The following DUOX1 variants were observed in gnomAD, a reference collection of about 807,000 sequenced individuals.
DUOX1 encodes NADPH thyroid oxidase 1.
Under a neutral mutation model 181.8 loss-of-function variants are expected in DUOX1, and 134 were observed. The observed-to-expected ratio is 0.74, with a 90% confidence interval of 0.64 to 0.85. The LOEUF is 0.85. Ranked by LOEUF, DUOX1 falls within the 40% of genes least tolerant of loss-of-function variation. The probability of loss-of-function intolerance (pLI) is 0.00; values close to 1 mark genes in which losing one functional copy is unlikely to be tolerated. For synonymous variants in DUOX1, 798 were observed against 832.5 expected, an observed-to-expected ratio of 0.96 and a Z score of 0.71; for missense variants, 1,814 against 2,064.4, an observed-to-expected ratio of 0.88 and a Z score of 2.35.
chr15:45,153,036 C>A (rs986726139), intron 25 of DUOX1: 9 of 304,212 alleles, frequency 3.0e-5, no homozygotes, highest in African/African-American at 1.5e-4. Context: ...GCCTGGCCAA[C>A]ATGGTGAAAC....
In DUOX1 at chr15:45,139,431, C is replaced by G; in HGVS notation, c.1221C>G (p.Phe407Leu). 1 of 1,612,394 alleles carries G rather than the reference C, an allele frequency of 6.2e-7. No homozygotes were observed. Among genetic ancestry groups the G allele is most frequent in the South Asian group, 1.1e-5 (1 of 90,794 alleles). ...TGTCTGGTATCTTGTCTCCAGATTT[C>G]TGGCCTGGGCCACTGAAGTTTTCCC... ...DHVLVEDVRD[F>L]WPGPLKFSRT... The change falls in exon 12 of 34, where the codon TTC becomes TTG. Residue 407 changes from phenylalanine (F) to leucine (L), a missense_variant. Around this residue, in one of 5 missense-constraint regions of DUOX1, gnomAD observed 1,064 missense variants for 1,152.9 expected, o/e 0.92. Coordinates refer to ENST00000389037, the MANE Select transcript of DUOX1 (RefSeq NM_175940.3).
intron 12 of DUOX1, 118 bp downstream of exon 12, chr15:45,139,717 A>C (rs1356006589): frequency 8.7e-7 from 1 of 1,143,124 alleles, no homozygotes; most frequent in East Asian, 2.6e-5. Flanking sequence ...TGGGAGGGGC[A>C]GGGCTTACCC....
chr15:45,147,852 G>A, intron 19 of DUOX1, 52 bp from the exon 20 acceptor site: 1 of 1,553,594 alleles, frequency 6.4e-7, no homozygotes, highest in Non-Finnish European at 8.9e-7. Flanking sequence ...GCCAGCCTGG[G>A]GGTTCAGGCA....
At chr15:45,155,994 G>A in intron 28 of DUOX1, 65 bp downstream of exon 28, 2 of 1,594,184 alleles carry the variant, frequency 1.3e-6, no homozygotes, top group Non-Finnish European at 1.7e-6. Flanking sequence ...GGGAGGCAAG[G>A]AGAGCTGGGA....
chr15:45,151,013 T>C, intron 22 of DUOX1, 110 bp from the exon 23 acceptor site: 2 of 1,475,048 alleles, frequency 1.4e-6, no homozygotes, highest in Non-Finnish European at 1.9e-6. Context: ...GTCCCCTTGC[T>C]GACAGCTCTG....
At chr15:45,130,358 G>T (rs556768069) in intron 1 of DUOX1, among the ~76,000 whole-genome samples, 1 of 152,304 alleles carries the variant, frequency 6.6e-6, no homozygotes, top group Middle Eastern at 3.4e-3. Context: ...GGGCCTGCGG[G>T]TTCTTCTCCT....
chr15:45,153,492 GA>G lies in DUOX1; in HGVS notation c.3524+15del. 1 of 1,047,348 alleles carries G rather than the reference GA, an allele frequency of 9.5e-7. No homozygotes were observed. The highest frequency in any genetic ancestry group is 1.5e-6 in the Non-Finnish European group (1 of 681,814). The allele number at this position is 1,047,348 out of a possible 1,614,324, so 64.9% of individuals were successfully genotyped here. On this transcript the variant is annotated intron_variant, in intron 26 of 33. Transcript: ENST00000389037. ...TCCATGATGATGGGTGAGTAAGTGC[GA>G]ATGTGTGTGTGTGTGTGTGTGTGTG... is the stretch of plus-strand genomic sequence containing the variant.
At position 45,145,004 on chromosome 15, in the gene DUOX1, A is replaced by G; in HGVS notation, c.2246A>G (p.Glu749Gly). ...CAGGAGTGGGAGCTGCGGGAGCAGG[A>G]GCTGATGAGAGCAGCTGTGACACGG... Reference protein sequence around the residue: ...SIQEWELREQELMRAAVTREQ... With the variant: ...SIQEWELREQGLMRAAVTREQ... The change falls in exon 18 of 34, where the codon GAG (glutamate) becomes GGG (glycine). Residue 749 changes from glutamate to glycine, a missense_variant. Physicochemically the swap from Glu to Gly is moderately conservative, Grantham distance 98. Transcript: ENST00000389037. The G allele has an allele frequency of 3.1e-6, 5 of 1,614,146 alleles. No homozygotes were observed. Among genetic ancestry groups the G allele is most frequent in the Non-Finnish European group, 4.2e-6 (5 of 1,180,014 alleles).
chr15:45,158,476 A>G (rs1365789113), intron 28 of DUOX1, among the ~76,000 whole-genome samples: 1 of 152,062 alleles, frequency 6.6e-6, no homozygotes, highest in African/African-American at 2.4e-5. Flanking sequence ...TGGGAGGCTG[A>G]GGCGGGTGGA....
At chr15:45,136,275 C>T (rs1896310737) in intron 7 of DUOX1, 75 bp from the exon 8 acceptor site, 1 of 1,606,084 alleles carries the variant, frequency 6.2e-7, no homozygotes, top group Admixed American at 1.7e-5. Context: ...ACACGGAAGC[C>T]GTCCTTGGGC....
In DUOX1 at chr15:45,153,945, A is replaced by C; in HGVS notation, c.3525-6A>C. On this transcript the variant is annotated splice_region_variant and splice_polypyrimidine_tract_variant and intron_variant, in intron 26 of 33. Coordinates refer to ENST00000389037, the MANE Select transcript of DUOX1 (RefSeq NM_175940.3). ...AAGGTGTCTCTTTGCTGTCCCTTCCACACAGGTCTGAGCTCCCCCAGAAGT... is the reference window on the plus strand; with the variant it reads ...AAGGTGTCTCTTTGCTGTCCCTTCCCCACAGGTCTGAGCTCCCCCAGAAGT... 6.2e-7 allele frequency: 1 copy of C among 1,611,922 alleles called. No individual in the cohort carries two copies. The highest frequency in any genetic ancestry group is 8.5e-7 in the Non-Finnish European group (1 of 1,178,602).
At chr15:45,139,761 A>G in intron 12 of DUOX1, 162 bp downstream of exon 12, 1 of 819,096 alleles carries the variant, frequency 1.2e-6, no homozygotes, top group Non-Finnish European at 1.8e-6. Flanking sequence ...TATCAGGATG[A>G]AGATTACCAG....
intron 4 of DUOX1, among the ~76,000 whole-genome samples, chr15:45,134,718 G>A (rs1401153381): frequency 6.6e-6 from 1 of 152,284 alleles, no homozygotes; most frequent in East Asian, 1.9e-4. Flanking sequence ...TGGCAGAGTG[G>A]ACTGAGGGGA....
Position 45,143,272 on chromosome 15 carries a change from C to T in DUOX1, c.1905C>T (p.Ile635=), listed in dbSNP as rs149570763. Residue 635 remains isoleucine, a synonymous_variant, in exon 16 of 34, where the codon ATC becomes ATT. Coordinates refer to ENST00000389037, the MANE Select transcript of DUOX1 (RefSeq NM_175940.3). ...TCCAGGGCCAGGACCGCCAGAGCATCGTGTCTGAGAAGCTCGTGGGAGGCA... is the reference window on the plus strand; with the variant it reads ...TCCAGGGCCAGGACCGCCAGAGCATTGTGTCTGAGAAGCTCGTGGGAGGCA... The part of the protein sequence containing the change: ...KRLQGQDRQS[I]VSEKLVGGME... 68 of 1,613,966 alleles carry T rather than the reference C, an allele frequency of 4.2e-5. 1 individual carries two copies. The South Asian group carries it at 7.1e-4, about 17-fold the overall frequency.
chr15:45,138,044 A>ATG (rs760917058), intron 10 of DUOX1, 30 bp downstream of exon 10: 72 of 1,492,038 alleles, frequency 4.8e-5, no homozygotes, highest in South Asian at 7.2e-5. Context: ...TATGTGGTGG[A>ATG]TGTGTGTGTG....
intron 18 of DUOX1, 56 bp from the exon 19 acceptor site, chr15:45,147,375 ACT>A: frequency 1.3e-6 from 2 of 1,574,416 alleles, no homozygotes; most frequent in Non-Finnish European, 1.7e-6. Flanking sequence ...GCTCAGCTGA[ACT>A]TCAAGTCAAG....
Position 45,136,592 on chromosome 15 carries a change from T to C in DUOX1, c.989T>C (p.Leu330Pro), listed in dbSNP as rs1373129823. 2 of 1,614,118 alleles carry C rather than the reference T, an allele frequency of 1.2e-6. No individual in the cohort carries two copies. Among genetic ancestry groups the C allele is most frequent in the Non-Finnish European group, 1.7e-6 (2 of 1,180,022 alleles). The change falls in exon 9 of 34, where the codon CTG (leucine) becomes CCG (proline). Residue 330 changes from leucine (L) to proline (P), a missense_variant. By Grantham distance (98) the Leu-to-Pro change is moderately conservative. This residue lies in a region of DUOX1 where 1,064 missense variants were observed against 1,152.9 expected (regional missense o/e 0.92). Coordinates refer to ENST00000389037, the MANE Select transcript of DUOX1 (RefSeq NM_175940.3). ...TTCGTGGCGGCCTCTGAGCAGTTCC[T>C]GTCCACCATGGTGCCCCCTGGCGTC... Reference protein sequence around the residue: ...SEFVAASEQFLSTMVPPGVYM... With the variant: ...SEFVAASEQFPSTMVPPGVYM...
Position 45,157,750 on chromosome 15 carries a change from T to C in DUOX1, c.3702+1821T>C, listed in dbSNP as rs573216398. ...ATGAGAATCGCTTGAACCCAGGAGG[T>C]GAAGGTTGCAGTGAGCCGAGATCAT... On this transcript the variant is annotated intron_variant, in intron 28 of 33. Coordinates refer to ENST00000389037, the MANE Select transcript of DUOX1 (RefSeq NM_175940.3). 9.6e-4 allele frequency among the ~76,000 whole-genome samples: 141 copies of C among 147,150 alleles called. 3 individuals carry two copies. In the South Asian group the frequency reaches 0.029, roughly 30 times the overall value.
chr15:45,165,177 T>G lies in DUOX1; in HGVS notation c.*276T>G. On this transcript the variant is annotated 3_prime_UTR_variant, in exon 34 of 34. Coordinates refer to ENST00000389037, the MANE Select transcript of DUOX1 (RefSeq NM_175940.3). ...TTTGGGGCAAAGTGAAACCTCTGCT[T>G]CCAGACTTCAGAAACAAATCTCAGA... 1 of 514,408 alleles carries G rather than the reference T, an allele frequency of 1.9e-6. No homozygotes were observed. The highest frequency in any genetic ancestry group is 3.5e-6 in the Non-Finnish European group (1 of 287,008). 31.9% of individuals were successfully genotyped at this position (514,408 alleles called of 1,614,324 possible).
Sources: allele counts gnomAD v4.1 joint callset (sites outside exome capture counted in the v4.1 genomes callset), GRCh38; gene constraint gnomAD v4.1.1; regional missense constraint gnomAD v4.1.1; transcripts MANE v1.5; gene names NCBI Gene and HGNC (gene_info 2026-07-23, HGNC 2026-07-21).